YEATS2: variants seen among roughly 807,000 people sequenced by gnomAD.
YEATS2 encodes the protein YEATS domain-containing protein 2.
YEATS2 carries 77 observed loss-of-function variants against 163.2 expected under a neutral mutation model. The ratio of observed to expected loss-of-function variants is 0.47; its 90% confidence interval spans 0.39 to 0.57. The LOEUF (loss-of-function observed/expected upper bound fraction) is 0.57, where lower values mean the gene tolerates loss of function less well. Among genes scored for constraint, YEATS2 ranks in the 20% least tolerant of loss-of-function variants. The probability of loss-of-function intolerance (pLI) is 0.00; values close to 1 mark genes in which losing one functional copy is unlikely to be tolerated. For synonymous variants in YEATS2, 631 were observed against 645.1 expected (o/e 0.98, Z 0.33); for missense variants, 1,549 against 1,729.8 (o/e 0.90, Z 1.85).
chr3:183,752,951 C>A (rs1222295933), intron 10 of YEATS2, among the ~76,000 whole-genome samples: 1 of 151,692 alleles, frequency 6.6e-6, no homozygotes, highest in Non-Finnish European at 1.5e-5. Context: ...GCGTCCACCA[C>A]CGCTCTCGGC....
intron 1 of YEATS2, among the ~76,000 whole-genome samples, chr3:183,711,536 T>G (rs1373990803): frequency 4.7e-5 from 7 of 148,200 alleles, no homozygotes; most frequent in Admixed American, 4.7e-4. Context: ...TGTCCAAAAA[T>G]AGTCATTTAT....
chr3:183,737,603 AAAT>A (rs1197887809), intron 8 of YEATS2, among the ~76,000 whole-genome samples: 1 of 152,234 alleles, frequency 6.6e-6, no homozygotes, highest in Non-Finnish European at 1.5e-5. Flanking sequence ...AAAGTGGGGC[AAAT>A]AATAATGTTT....
chr3:183,759,043 G>A lies in YEATS2; in HGVS notation c.1656+78G>A, dbSNP rs542207250. 9 of 1,014,260 alleles carry A rather than the reference G, an allele frequency of 8.9e-6. No homozygotes were observed. In the Admixed American group the frequency reaches 9.3e-5, roughly 10 times the overall value. The allele number at this position is 1,014,260 out of a possible 1,614,324, so 62.8% of individuals were successfully genotyped here. A position where few individuals can be genotyped will look rare whatever the true frequency, so the allele number is the denominator to read the frequency against. ...TTTAAAAAATAATTTTTCAAATGGAGATGGGGTCTCCCCGTATTAACCAGG... is the reference window on the plus strand; with the variant it reads ...TTTAAAAAATAATTTTTCAAATGGAAATGGGGTCTCCCCGTATTAACCAGG... On this transcript the variant is annotated intron_variant, in intron 13 of 30. Coordinates refer to ENST00000305135, the MANE Select transcript of YEATS2 (RefSeq NM_018023.5).
intron 5 of YEATS2, 110 bp from the exon 6 acceptor site, chr3:183,724,309 T>G: frequency 1.2e-6 from 1 of 810,398 alleles, no homozygotes; most frequent in Non-Finnish European, 1.9e-6. Flanking sequence ...AATTTTGTAA[T>G]TTTTTAAAAA....
At chr3:183,719,474 G>A (rs777440364) in intron 4 of YEATS2, among the ~76,000 whole-genome samples, 2 of 152,086 alleles carry the variant, frequency 1.3e-5, no homozygotes, top group African/African-American at 4.8e-5. Context: ...CTAATTGTTA[G>A]CATTATGCTA....
At chr3:183,710,699 T>C (rs1715108044) in intron 1 of YEATS2, among the ~76,000 whole-genome samples, 1 of 152,162 alleles carries the variant, frequency 6.6e-6, no homozygotes, top group African/African-American at 2.4e-5. Flanking sequence ...AGAGAGGGTT[T>C]TTTTTTTAAG....
chr3:183,808,570 C>A (rs187019806), intron 29 of YEATS2, among the ~76,000 whole-genome samples: 6 of 152,174 alleles, frequency 3.9e-5, no homozygotes, highest in African/African-American at 1.4e-4. Context: ...AATACAATGT[C>A]TAGGGCTGGG....
chr3:183,786,189 C>T lies in YEATS2; in HGVS notation c.2801C>T (p.Ala934Val). The change falls in exon 20 of 31, where the codon GCC (alanine) becomes GTC (valine). Residue 934 changes from alanine (A) to valine (V), a missense_variant. By Grantham distance (64) the Ala-to-Val change is moderately conservative. Transcript: ENST00000305135. ...ISDSTLKTVP[A>V]TSQLSKPGTT... ...GATAGCACCTTGAAGACTGTGCCAG[C>T]CACCTCACAGCTCTCGAAGCCTGGA... is the stretch of plus-strand genomic sequence containing the variant. 1.9e-6 allele frequency: 3 copies of T among 1,614,150 alleles called. No individual in the cohort carries two copies. Among genetic ancestry groups the T allele is most frequent in the Non-Finnish European group, 2.5e-6 (3 of 1,180,014 alleles).
At chr3:183,701,011 C>T (rs1484462089) in intron 1 of YEATS2, among the ~76,000 whole-genome samples, 2 of 151,086 alleles carry the variant, frequency 1.3e-5, no homozygotes, top group Non-Finnish European at 2.9e-5. Context: ...TACTGAAATC[C>T]ACTGAATTGC....
intron 8 of YEATS2, among the ~76,000 whole-genome samples, chr3:183,747,057 A>G (rs1719624685): frequency 6.6e-6 from 1 of 152,280 alleles, no homozygotes; most frequent in Non-Finnish European, 1.5e-5. Flanking sequence ...TCTTGTTTAT[A>G]TTATTAACAT....
intron 16 of YEATS2, 131 bp from the exon 17 acceptor site, chr3:183,773,502 C>G (rs1722680100): frequency 1.1e-6 from 1 of 894,374 alleles, no homozygotes. Context: ...CATTGTGCAT[C>G]TGGGAAACAA....
chr3:183,810,274 A>G (rs1167980123), intron 30 of YEATS2: 7 of 517,950 alleles, frequency 1.4e-5, no homozygotes, highest in Non-Finnish European at 2.1e-5. Context: ...TAATTATTCA[A>G]CCAACTTGTT....
intron 21 of YEATS2, chr3:183,793,542 C>T (rs1724857900): frequency 1.5e-6 from 1 of 679,714 alleles, no homozygotes; most frequent in Non-Finnish European, 1.8e-6. Context: ...ATGAAGTCTC[C>T]CTGCTGTAAG....
chr3:183,756,070 G>A lies in YEATS2; in HGVS notation c.1391-458G>A, dbSNP rs560289497. ...GTCTCATGCCCGGTCTCTAATTTTA[G>A]TGTCTTCGAGTATAACCAGTACTAT... is the stretch of plus-strand genomic sequence containing the variant. On this transcript the variant is annotated intron_variant, in intron 11 of 30. Transcript: ENST00000305135. 2.6e-5 allele frequency among the ~76,000 whole-genome samples: 4 copies of A among 152,186 alleles called. No individual in the cohort carries two copies. In the South Asian group the frequency reaches 8.3e-4, roughly 32 times the overall value.
chr3:183,755,902 A>G (rs996484134), intron 11 of YEATS2, among the ~76,000 whole-genome samples: 5 of 151,320 alleles, frequency 3.3e-5, no homozygotes, highest in African/African-American at 1.2e-4. Flanking sequence ...ATGCGCCACC[A>G]CACCCAGCTA....
chr3:183,753,984 A>T (rs1400924033), intron 10 of YEATS2, 142 bp from the exon 11 acceptor site: 3 of 1,053,012 alleles, frequency 2.8e-6, no homozygotes, highest in Non-Finnish European at 3.9e-6. Flanking sequence ...ATATGAAGGG[A>T]TGATTGATTG....
At position 183,806,869 on chromosome 3, in the gene YEATS2, GC is replaced by G; in HGVS notation, c.3791del (p.Pro1264HisfsTer40). 6.2e-7 allele frequency: 1 copy of G among 1,613,884 alleles called. No homozygotes were observed. The highest frequency in any genetic ancestry group is 8.5e-7 in the Non-Finnish European group (1 of 1,179,862). On this transcript the variant is annotated frameshift_variant, in exon 28 of 31. Transcript: ENST00000305135. LOFTEE classifies it high-confidence loss of function. ...ACACTGCTTGCCTGTCATTTAGAGT[GC>G]CCATCATCATTCTCCTCTGCTGACA... ...VLTQIDSEPE[C>X]PSSFSSADNL...
At chr3:183,736,378 A>G (rs909009544) in intron 7 of YEATS2, among the ~76,000 whole-genome samples, 2 of 152,182 alleles carry the variant, frequency 1.3e-5, no homozygotes, top group Non-Finnish European at 2.9e-5. Context: ...CATGGCCTGT[A>G]TCTGTCAAAT....
chr3:183,793,610 T>TG (rs1553882091), intron 21 of YEATS2: 1 of 54,102 alleles, frequency 1.8e-5, no homozygotes, highest in African/African-American at 1.2e-4. Flanking sequence ...TCTTTCTTTC[T>TG]TTTTTTTTTT....
Sources: gnomAD v4.1 joint callset for allele counts (sites outside exome capture counted in the v4.1 genomes callset) on GRCh38, gnomAD v4.1.1 for gene constraint, MANE v1.5 for transcripts, NCBI Gene and HGNC (gene_info 2026-07-23, HGNC 2026-07-21) for gene names.